ADAM19: variants seen among roughly 807,000 people sequenced by gnomAD.
ADAM19 encodes ADAM metallopeptidase domain 19, also known as disintegrin and metalloproteinase domain-containing protein 19.
ADAM19 carries 65 observed loss-of-function variants against 114.7 expected under a neutral mutation model. The observed-to-expected ratio is 0.57, with a 90% CI of 0.46 to 0.70. ADAM19 has a LOEUF of 0.70. Among genes scored for constraint, ADAM19 ranks in the 30% least tolerant of loss-of-function variants. ADAM19 has a pLI of 0.00. For synonymous variants in ADAM19, 466 were observed against 460.5 expected (o/e 1.01, Z -0.15); for missense variants, 1,063 against 1,204.7 (o/e 0.88, Z 1.74).
intron 5 of ADAM19, among the ~76,000 whole-genome samples, chr5:157,522,102 G>T (rs1387599685): frequency 1.3e-5 from 2 of 152,198 alleles, no homozygotes; most frequent in African/African-American, 2.4e-5. Flanking sequence ...TCCTCATAGT[G>T]GCTGCAGATT....
chr5:157,552,620 A>C (rs959082159), intron 3 of ADAM19, among the ~76,000 whole-genome samples: 1 of 143,898 alleles, frequency 6.9e-6, no homozygotes, highest in Non-Finnish European at 1.5e-5. Flanking sequence ...TGGAGGTTGC[A>C]GTGAGCCGAG....
intron 4 of ADAM19, among the ~76,000 whole-genome samples, chr5:157,533,640 T>C (rs929629233): frequency 4.6e-5 from 7 of 152,206 alleles, no homozygotes; most frequent in South Asian, 2.1e-4. Context: ...TTCAGAAACG[T>C]GTATCAGCTA....
At chr5:157,571,687 A>T (rs1370688492) in intron 1 of ADAM19, among the ~76,000 whole-genome samples, 1 of 152,128 alleles carries the variant, frequency 6.6e-6, no homozygotes, top group Non-Finnish European at 1.5e-5. Flanking sequence ...GGCGAGAGTG[A>T]GAGCAGAAGC....
chr5:157,491,798 T>A (rs1755173374), intron 17 of ADAM19, 37 bp downstream of exon 17: 1 of 1,612,698 alleles, frequency 6.2e-7, no homozygotes. Flanking sequence ...CCTCATGACG[T>A]CCCCATGACA....
Position 157,477,580 on chromosome 5 carries a change from C to G in ADAM19, c.*3369G>C. ...AATGTGGGCTTGGATTCTACAGAAC[C>G]TCTCCTTCGCAGGCTCCCCTGGGGA... On this transcript the variant is annotated 3_prime_UTR_variant, in exon 23 of 23. Transcript: ENST00000257527. 8.0e-7 allele frequency: 1 copy of G among 1,245,536 alleles called. No homozygotes were observed. The highest frequency in any genetic ancestry group is 1.0e-6 in the Non-Finnish European group (1 of 965,470). 77.2% of individuals were successfully genotyped at this position (1,245,536 alleles called of 1,614,324 possible).
In ADAM19 at chr5:157,530,836, G is replaced by A. The variant is rs1561545470; in HGVS notation, c.378C>T (p.Ser126=). The change falls in exon 5 of 23, where the codon AGC becomes AGT. Residue 126 remains serine (S), a synonymous_variant. Transcript: ENST00000257527. ...HGTVRETELS[S]VTLSTCRGIR... is the part of the protein sequence containing the mutation. ...TTCCTCGGCAAGTGCTGAGCGTGAC[G>A]CTGGACAGTTCTGTCTCCCTCACCG... 1.4e-5 allele frequency: 23 copies of A among 1,614,162 alleles called. No individual in the cohort carries two copies. The highest frequency in any genetic ancestry group is 3.3e-4 in the Middle Eastern group (2 of 6,062).
intron 5 of ADAM19, among the ~76,000 whole-genome samples, chr5:157,526,155 T>A (rs905929094): frequency 7.4e-6 from 1 of 136,002 alleles, no homozygotes; most frequent in African/African-American, 3.1e-5. Context: ...TATGTTCATA[T>A]ATACATATAT....
In ADAM19 at chr5:157,564,459, A is replaced by G; in HGVS notation, c.181-16T>C. On this transcript the variant is annotated splice_polypyrimidine_tract_variant and intron_variant, in intron 2 of 22. Transcript: ENST00000257527. Reference sequence around the variant, plus strand: ...TGAGTGGATGCTAAAAGCAACAACAAAACAATGTCAGTTCCTAAAAGCCGG... The same window carrying G: ...TGAGTGGATGCTAAAAGCAACAACAGAACAATGTCAGTTCCTAAAAGCCGG... The G allele has an allele frequency of 6.2e-7, 1 of 1,613,906 alleles. No homozygotes were observed. Among genetic ancestry groups the G allele is most frequent in the Non-Finnish European group, 8.5e-7 (1 of 1,179,752 alleles).
rs1581311080 is a variant in ADAM19 at position 157,506,950 on chromosome 5, T to C, written c.990+106A>G. The C allele has an allele frequency of 9.6e-6, 10 of 1,043,954 alleles. No individual in the cohort carries two copies. The East Asian group carries it at 2.0e-4, about 21-fold the overall frequency. The allele number at this position is 1,043,954 out of a possible 1,614,324, so 64.7% of individuals were successfully genotyped here. On this transcript the variant is annotated intron_variant, in intron 10 of 22. Transcript: ENST00000257527. ...ATTGCCCTTCCTGATGTCAAAGCTTTTTCTGCTACAATAATAAATATCAAC... is the reference window on the plus strand; with the variant it reads ...ATTGCCCTTCCTGATGTCAAAGCTTCTTCTGCTACAATAATAAATATCAAC...
chr5:157,573,527 C>T (rs1186961332), intron 1 of ADAM19, among the ~76,000 whole-genome samples: 1 of 152,162 alleles, frequency 6.6e-6, no homozygotes, highest in Non-Finnish European at 1.5e-5. Context: ...GGGCGGATCA[C>T]CTGAGGTCAG....
At chr5:157,570,749 G>A (rs983412413) in intron 2 of ADAM19, 146 bp downstream of exon 2, 12 of 620,420 alleles carry the variant, frequency 1.9e-5, no homozygotes, top group Non-Finnish European at 2.8e-5. Context: ...AGTCCCATCT[G>A]TGATCTCCAA....
intron 3 of ADAM19, among the ~76,000 whole-genome samples, chr5:157,543,960 C>T (rs2113770652): frequency 6.6e-6 from 1 of 152,328 alleles, no homozygotes; most frequent in Non-Finnish European, 1.5e-5. Context: ...ACAGCCAGAG[C>T]TGCTTCAGAA....
intron 7 of ADAM19, among the ~76,000 whole-genome samples, chr5:157,515,050 G>GAT (rs1756053519): frequency 6.6e-6 from 1 of 152,238 alleles, no homozygotes; most frequent in African/African-American, 2.4e-5. Context: ...TACCAGCCCT[G>GAT]ATACAGGGAA....
chr5:157,521,527 C>T (rs1057296404), intron 5 of ADAM19, among the ~76,000 whole-genome samples: 2 of 152,188 alleles, frequency 1.3e-5, no homozygotes, highest in Non-Finnish European at 1.5e-5. Context: ...GCCTGTGATG[C>T]TCTCTGGAAA....
At chr5:157,529,724 C>T (rs1319846223) in intron 5 of ADAM19, among the ~76,000 whole-genome samples, 1 of 152,186 alleles carries the variant, frequency 6.6e-6, no homozygotes, top group Non-Finnish European at 1.5e-5. Flanking sequence ...GCTGAATCCT[C>T]ACAACTGCAG....
rs184687129 is a variant in ADAM19, at chr5:157,524,354, C to A, written c.408-4323G>T. Among the ~76,000 whole-genome samples the A allele has an allele frequency of 2.6e-5, 4 of 152,326 alleles. No homozygotes were observed. The East Asian group carries it at 7.7e-4, about 29-fold the overall frequency. Reference sequence around the variant, plus strand: ...TTCTGTTCTCCATCCTATTGCTCATCGTTAAGAGATGGATACAAATGAAAT... The same window carrying A: ...TTCTGTTCTCCATCCTATTGCTCATAGTTAAGAGATGGATACAAATGAAAT... On this transcript the variant is annotated intron_variant, in intron 5 of 22. Transcript: ENST00000257527.
chr5:157,574,895 G>A (rs541958268), intron 1 of ADAM19, among the ~76,000 whole-genome samples: 1 of 152,366 alleles, frequency 6.6e-6, no homozygotes, highest in East Asian at 1.9e-4. Flanking sequence ...GGCGTGGAAA[G>A]AGAGCCCTGG....
Position 157,479,798 on chromosome 5 carries a change from C to T in ADAM19, c.*1151G>A. ...ATGGGTCTGTTCTCTGCTCAGAGGG[C>T]AACGGTCCAGCCCGAAGTCAATGAC... On this transcript the variant is annotated 3_prime_UTR_variant, in exon 23 of 23. Transcript: ENST00000257527. The T allele has an allele frequency of 3.0e-6, 3 of 985,600 alleles. No individual in the cohort carries two copies. The highest frequency in any genetic ancestry group is 3.6e-6 in the Non-Finnish European group (3 of 830,034). The allele number at this position is 985,600 out of a possible 1,614,324, so 61.1% of individuals were successfully genotyped here. A position where few individuals can be genotyped will look rare whatever the true frequency, so the allele number is the denominator to read the frequency against.
intron 5 of ADAM19, among the ~76,000 whole-genome samples, chr5:157,529,358 T>C (rs937592928): frequency 6.6e-6 from 1 of 151,964 alleles, no homozygotes; most frequent in Non-Finnish European, 1.5e-5. Context: ...GAAAGTGGTC[T>C]ACATAAATAA....
Sources: gnomAD v4.1 joint callset for allele counts (sites outside exome capture counted in the v4.1 genomes callset) on GRCh38, gnomAD v4.1.1 for gene constraint, MANE v1.5 for transcripts, NCBI Gene and HGNC (gene_info 2026-07-23, HGNC 2026-07-21) for gene names.